VPS13C: variants seen among roughly 807,000 people sequenced by gnomAD.
VPS13C encodes vacuolar protein sorting 13 homolog C.
In VPS13C, 358 loss-of-function variants were observed where a neutral mutation model predicts 456.8. The ratio of observed to expected loss-of-function variants is 0.78; its 90% CI spans 0.72 to 0.86. The LOEUF (loss-of-function observed/expected upper bound fraction) is 0.86. Ranked by LOEUF, VPS13C falls within the 40% of genes least tolerant of loss-of-function variation. The pLI is 0.00. For synonymous variants in VPS13C, 1,578 were observed against 1,486.7 expected (o/e 1.06, Z -1.41); for missense variants, 4,818 against 4,385.4 (o/e 1.10, Z -2.79).
intron 1 of VPS13C, among the ~76,000 whole-genome samples, chr15:62,046,840 A>G (rs964386898): frequency 5.9e-5 from 9 of 152,226 alleles, no homozygotes; most frequent in African/African-American, 2.2e-4. Context: ...AACTACCAAT[A>G]TGGCTAATAG....
rs1416476981 is a variant in VPS13C, at chr15:61,996,990, C to CATAT, written c.1353+3573_1353+3574insATAT. Among the ~76,000 whole-genome samples the CATAT allele has an allele frequency of 1.0e-4, 14 of 139,924 alleles. 1 individual carries two copies. Among genetic ancestry groups the CATAT allele is most frequent in the African/African-American group, 3.6e-4 (12 of 33,260 alleles). 91.8% of individuals were successfully genotyped at this position (139,924 alleles called of 152,430 possible). A position where few individuals can be genotyped will look rare whatever the true frequency, so the allele number is the denominator to read the frequency against. ...TTTTCATCCTTGCCTATATATTTTACATACATACATATATATATATATGTA... is the reference window on the plus strand; with the variant it reads ...TTTTCATCCTTGCCTATATATTTTACATATATACATACATATATATATATATGTA... On this transcript the variant is annotated intron_variant, in intron 16 of 84. Coordinates refer to ENST00000644861, the MANE Select transcript of VPS13C (RefSeq NM_020821.3).
intron 15 of VPS13C, among the ~76,000 whole-genome samples, chr15:62,005,992 C>T (rs1354065423): frequency 6.6e-6 from 1 of 152,056 alleles, no homozygotes; most frequent in Non-Finnish European, 1.5e-5. Context: ...GTGTGAGCCA[C>T]CACGCCCGGC....
At chr15:61,888,785 G>A (rs1896456219) in intron 67 of VPS13C, among the ~76,000 whole-genome samples, 2 of 152,040 alleles carry the variant, frequency 1.3e-5, no homozygotes, top group Admixed American at 6.6e-5. Flanking sequence ...GTGAATACAG[G>A]TTATTACACA....
At chr15:61,971,511 T>C (rs2045555233) in intron 27 of VPS13C, among the ~76,000 whole-genome samples, 1 of 152,160 alleles carries the variant, frequency 6.6e-6, no homozygotes, top group South Asian at 2.1e-4. Flanking sequence ...TCCACCCACC[T>C]CGGGCTCCCA....
intron 9 of VPS13C, among the ~76,000 whole-genome samples, chr15:62,015,362 G>C (rs1242810058): frequency 1.3e-5 from 2 of 152,030 alleles, no homozygotes; most frequent in Admixed American, 1.3e-4. Context: ...AGTTTAATTA[G>C]ATCCCATTTG....
chr15:61,962,538 C>T lies in VPS13C; in HGVS notation c.3436G>A (p.Ala1146Thr). Reference sequence around the variant, plus strand: ...ACTTCATTTCCCATTATTGACACAGCCTGAAAAACAGAGACTTGAATGTAC... The same window carrying T: ...ACTTCATTTCCCATTATTGACACAGTCTGAAAAACAGAGACTTGAATGTAC... ...DVDPKTVHKK[A>T]VSIMGNEVFR... The change falls in exon 34 of 85, where the codon GCT (alanine) becomes ACT (threonine). Residue 1146 changes from alanine to threonine, a missense_variant and splice_region_variant. Physicochemically the swap from Ala to Thr is moderately conservative, Grantham distance 58 (BLOSUM62 0). Around this residue, in one of 3 missense-constraint regions of VPS13C, gnomAD observed 4,552 missense variants for 4,130.6 expected, o/e 1.10. Transcript: ENST00000644861. 1 of 1,605,740 alleles carries T rather than the reference C, an allele frequency of 6.2e-7. No homozygotes were observed. Among genetic ancestry groups the T allele is most frequent in the Non-Finnish European group, 8.5e-7 (1 of 1,175,324 alleles).
intron 25 of VPS13C, among the ~76,000 whole-genome samples, chr15:61,974,059 A>G (rs1186475912): frequency 6.6e-6 from 1 of 152,172 alleles, no homozygotes; most frequent in Non-Finnish European, 1.5e-5. Context: ...AGCCTAACAT[A>G]TAAGAAAATT....
intron 66 of VPS13C, among the ~76,000 whole-genome samples, chr15:61,894,578 G>A (rs941733581): frequency 6.6e-6 from 1 of 151,828 alleles, no homozygotes; most frequent in Non-Finnish European, 1.5e-5. Context: ...AAAAAGAGTA[G>A]GAGTAGCTAT....
intron 15 of VPS13C, among the ~76,000 whole-genome samples, chr15:62,001,541 T>G (rs2046616128): frequency 6.6e-6 from 1 of 152,256 alleles, no homozygotes; most frequent in South Asian, 2.1e-4. Flanking sequence ...TAGTATACTT[T>G]AAGTTTTAGG....
intron 24 of VPS13C, among the ~76,000 whole-genome samples, chr15:61,975,754 G>A (rs374631953): frequency 1.3e-5 from 2 of 151,916 alleles, no homozygotes; most frequent in South Asian, 4.2e-4. Context: ...CAATGCATGA[G>A]GCCAACATCA....
intron 12 of VPS13C, among the ~76,000 whole-genome samples, chr15:62,010,835 G>A (rs2047013851): frequency 6.6e-6 from 1 of 152,086 alleles, no homozygotes; most frequent in Non-Finnish European, 1.5e-5. Flanking sequence ...CATGCTTCTA[G>A]GTAAGAAATG....
At chr15:61,912,893 T>C (rs1315470601) in intron 62 of VPS13C, among the ~76,000 whole-genome samples, 1 of 150,138 alleles carries the variant, frequency 6.7e-6, no homozygotes, top group Non-Finnish European at 1.5e-5. Context: ...ACATGCGGTG[T>C]TTGGTTTTTT....
chr15:61,977,555 G>A (rs1483517628), intron 23 of VPS13C, among the ~76,000 whole-genome samples: 1 of 151,834 alleles, frequency 6.6e-6, no homozygotes, highest in South Asian at 2.1e-4. Flanking sequence ...AGTGAAAAGA[G>A]GAGGAAAAAC....
intron 8 of VPS13C, 64 bp from the exon 9 acceptor site, chr15:62,020,602 C>T (rs2047429202): frequency 2.0e-6 from 3 of 1,505,310 alleles, no homozygotes; most frequent in Non-Finnish European, 2.7e-6. Flanking sequence ...ATGTCCTTTA[C>T]AATAGGCAGC....
chr15:61,973,430 G>C (rs1283371390), intron 26 of VPS13C, 24 bp downstream of exon 26: 1 of 1,577,310 alleles, frequency 6.3e-7, no homozygotes, highest in Non-Finnish European at 8.7e-7. Flanking sequence ...ATTTAATAGA[G>C]AAAGAGTATT....
Position 61,922,598 on chromosome 15 carries a change from T to C in VPS13C, c.6774A>G (p.Thr2258=). 2 of 1,614,150 alleles carry C rather than the reference T, an allele frequency of 1.2e-6. No individual in the cohort carries two copies. Among genetic ancestry groups the C allele is most frequent in the Non-Finnish European group, 1.7e-6 (2 of 1,180,000 alleles). ...NTWFLGVDTA[T]EITESFKGIE... is the part of the protein sequence containing the mutation. ...TGCCTTTGAAGCTTTCCGTTATTTC[T>C]GTTGCCGTGTCAACACCAAGAAACC... The change falls in exon 54 of 85, where the codon ACA becomes ACG. Residue 2258 remains threonine (T), a synonymous_variant. Coordinates refer to ENST00000644861, the MANE Select transcript of VPS13C (RefSeq NM_020821.3).
chr15:61,890,883 C>T (rs527958058), intron 66 of VPS13C, among the ~76,000 whole-genome samples: 4 of 152,118 alleles, frequency 2.6e-5, no homozygotes, highest in African/African-American at 9.7e-5. Flanking sequence ...CCCGTCTCCA[C>T]TAAAAATACA....
chr15:61,939,979 G>A (rs555650574), intron 47 of VPS13C, among the ~76,000 whole-genome samples: 11 of 147,218 alleles, frequency 7.5e-5, no homozygotes, highest in African/African-American at 2.5e-4. Context: ...AGGCCACAGA[G>A]CAAGACTCCG....
At chr15:62,015,074 T>C (rs1007791883) in intron 9 of VPS13C, among the ~76,000 whole-genome samples, 3 of 152,128 alleles carry the variant, frequency 2.0e-5, no homozygotes, top group Non-Finnish European at 4.4e-5. Context: ...AGGAGGTATA[T>C]GACTATTTTG....
Sources: gnomAD v4.1 joint callset for allele counts (sites outside exome capture counted in the v4.1 genomes callset) on GRCh38, gnomAD v4.1.1 for gene constraint, gnomAD v4.1.1 regional missense constraint, MANE v1.5 for transcripts, NCBI Gene and HGNC (gene_info 2026-07-23, HGNC 2026-07-21) for gene names.